RAP1GAP: variants seen among roughly 807,000 people sequenced by gnomAD.
RAP1GAP encodes the protein RAP1 GTPase activating protein.
A neutral mutation model predicts 87.2 loss-of-function variants in RAP1GAP; 35 were observed. The observed-to-expected ratio is 0.40, with a 90% CI of 0.31 to 0.53. The LOEUF is 0.53. RAP1GAP is among the 20% of genes least tolerant of loss of function. The probability of loss-of-function intolerance (pLI) is 0.48; values close to 1 mark genes in which losing one functional copy is unlikely to be tolerated. For synonymous variants in RAP1GAP, 375 were observed against 363.9 expected (o/e 1.03, Z -0.35); for missense variants, 734 against 898.9 (o/e 0.82, Z 2.35).
At chr1:21,666,892 C>T (rs753601487) in intron 1 of RAP1GAP, among the ~76,000 whole-genome samples, 16 of 152,174 alleles carry the variant, frequency 1.1e-4, no homozygotes, top group Non-Finnish European at 2.2e-4. Context: ...AGGCTCTTCT[C>T]CTTGCTGACA....
chr1:21,600,776 T>C (rs943006910), intron 20 of RAP1GAP, among the ~76,000 whole-genome samples: 3 of 150,104 alleles, frequency 2.0e-5, no homozygotes, highest in Non-Finnish European at 3.0e-5. Flanking sequence ...TCCCAGCTAC[T>C]TGGGGGGCTG....
At position 21,622,699 on chromosome 1, in the gene RAP1GAP, G is replaced by T. The variant is rs970952929; in HGVS notation, c.-18-2649C>A. On this transcript the variant is annotated intron_variant, in intron 3 of 24. Transcript: ENST00000374765. This position sits in a 1 kb window ranked among gnomAD's most constrained non-coding sequence, Gnocchi z 5.7. ...CCGGGACACCGCGCCTGCGCGTTCC[G>T]GCCCGAGCGCTAGAAGCTTTGGGTG... 1 of 151,252 alleles carries T rather than the reference G, an allele frequency of 6.6e-6. No individual in the cohort carries two copies. The highest frequency in any genetic ancestry group is 2.0e-4 in the East Asian group (1 of 5,096). The allele number at this position is 151,252 out of a possible 1,614,324, so 9.4% of individuals were successfully genotyped here. A position where few individuals can be genotyped will look rare whatever the true frequency, so the allele number is the denominator to read the frequency against.
intron 21 of RAP1GAP, 117 bp downstream of exon 21, chr1:21,599,377 T>C: frequency 7.0e-7 from 1 of 1,429,828 alleles, no homozygotes; most frequent in Non-Finnish European, 9.4e-7. Context: ...TTGGGCCGGG[T>C]CCCCTGATCA....
rs997272663 is a variant in RAP1GAP, at chr1:21,614,136, G to C, written c.292-47C>G. 4 of 1,368,256 alleles carry C rather than the reference G, an allele frequency of 2.9e-6. No individual in the cohort carries two copies. The African/African-American group carries it at 5.7e-5, about 20-fold the overall frequency. 84.8% of individuals were successfully genotyped at this position (1,368,256 alleles called of 1,614,324 possible). A position where few individuals can be genotyped will look rare whatever the true frequency, so the allele number is the denominator to read the frequency against. On this transcript the variant is annotated intron_variant, in intron 7 of 24. Coordinates refer to ENST00000374765, the MANE Select transcript of RAP1GAP (RefSeq NM_002885.4). ...AGGGGAGTGGGTGAGGCTGAGCATG[G>C]GGCTTTTGGAAACAAGGCCAGAAAG...
intron 5 of RAP1GAP, 114 bp from the exon 6 acceptor site, chr1:21,618,086 T>C: frequency 8.2e-7 from 1 of 1,217,368 alleles, no homozygotes; most frequent in Non-Finnish European, 1.2e-6. Context: ...GGCCCTGGCC[T>C]CATCACCTCT....
intron 19 of RAP1GAP, 89 bp from the exon 20 acceptor site, chr1:21,601,886 G>A: frequency 1.1e-6 from 1 of 899,104 alleles, no homozygotes; most frequent in East Asian, 2.7e-5. Context: ...GGGAGTCACG[G>A]TGCCTCCTGC....
chr1:21,604,249 C>T (rs143614304), intron 18 of RAP1GAP, among the ~76,000 whole-genome samples: 1 of 151,262 alleles, frequency 6.6e-6, no homozygotes, highest in Non-Finnish European at 1.5e-5. Flanking sequence ...AGACACAGGC[C>T]CAGGGAGGGT....
At chr1:21,599,406 G>C (rs1435965420) in intron 21 of RAP1GAP, 88 bp downstream of exon 21, 1 of 1,510,746 alleles carries the variant, frequency 6.6e-7, no homozygotes, top group Non-Finnish European at 8.8e-7. Context: ...CCACGCCCAG[G>C]CTCGTGGTTC....
chr1:21,616,638 C>T (rs2082350700), intron 7 of RAP1GAP, among the ~76,000 whole-genome samples: 1 of 152,230 alleles, frequency 6.6e-6, no homozygotes, highest in Non-Finnish European at 1.5e-5. Flanking sequence ...GGCATGGGAC[C>T]TCCCCTTGGC....
rs554855133 is a variant in RAP1GAP at position 21,613,746 on chromosome 1, G to C, written c.396-40C>G. On this transcript the variant is annotated intron_variant, in intron 8 of 24. Transcript: ENST00000374765. This position sits in a 1 kb window ranked among gnomAD's most constrained non-coding sequence, Gnocchi z 4.7. ...TCACACGATGAAGGCCTGGGCAGCA[G>C]GACAGGAAAATGGGAACCCCACCCC... 6 of 1,566,914 alleles carry C rather than the reference G, an allele frequency of 3.8e-6. No homozygotes were observed. The South Asian group carries it at 5.5e-5, about 14-fold the overall frequency.
chr1:21,613,520 C>A lies in RAP1GAP; in HGVS notation c.474+108G>T. On this transcript the variant is annotated intron_variant, in intron 9 of 24. Coordinates refer to ENST00000374765, the MANE Select transcript of RAP1GAP (RefSeq NM_002885.4). This position sits in a 1 kb window ranked among gnomAD's most constrained non-coding sequence, Gnocchi z 4.7. ...GACAGCCTCAGGATAGGGCGGCAGG[C>A]CAGGGCTAGGGCCTACAGCTGAAGG... 1 of 1,091,196 alleles carries A rather than the reference C, an allele frequency of 9.2e-7. No homozygotes were observed. The allele number at this position is 1,091,196 out of a possible 1,614,324, so 67.6% of individuals were successfully genotyped here.
chr1:21,639,092 C>G (rs572687326), intron 2 of RAP1GAP, among the ~76,000 whole-genome samples: 20 of 152,350 alleles, frequency 1.3e-4, no homozygotes, highest in Admixed American at 1.0e-3. Flanking sequence ...GCAAGCCAGG[C>G]CAGCCGGGTT....
intron 1 of RAP1GAP, among the ~76,000 whole-genome samples, chr1:21,650,838 C>A (rs2096510727): frequency 1.3e-5 from 2 of 152,190 alleles, no homozygotes; most frequent in South Asian, 2.1e-4. Flanking sequence ...CCCACCCCAC[C>A]CTCTGCTGGG....
chr1:21,631,442 T>C (rs926286514), intron 2 of RAP1GAP, among the ~76,000 whole-genome samples: 2 of 152,170 alleles, frequency 1.3e-5, no homozygotes, highest in African/African-American at 4.8e-5. Context: ...TCCCAGCACT[T>C]TGGGAGGCTG....
At chr1:21,601,923 G>A (rs771667730) in intron 19 of RAP1GAP, 126 bp from the exon 20 acceptor site, 5 of 620,760 alleles carry the variant, frequency 8.1e-6, no homozygotes, top group Non-Finnish European at 1.4e-5. Context: ...TATACTCAGG[G>A]CCAGCCCTGG....
At chr1:21,639,076 C>T (rs75744570) in intron 2 of RAP1GAP, among the ~76,000 whole-genome samples, 2 of 152,250 alleles carry the variant, frequency 1.3e-5, no homozygotes, top group Non-Finnish European at 2.9e-5. Context: ...TCAGCTGTCA[C>T]GTCCTGCAAG....
At position 21,613,370 on chromosome 1, in the gene RAP1GAP, T is replaced by C. The variant is rs924575804; in HGVS notation, c.475-141A>G. On this transcript the variant is annotated intron_variant, in intron 9 of 24. Transcript: ENST00000374765. The surrounding 1 kb of genome is among the most constrained non-coding windows in gnomAD (Gnocchi z 4.7). ...CTAAAGCAGGACTCGGGGTTCACTG[T>C]TGCTCAGGGAACGGAGGTCCCCTGA... 1.6e-5 allele frequency: 13 copies of C among 838,568 alleles called. No homozygotes were observed. The highest frequency in any genetic ancestry group is 8.2e-5 in the Admixed American group (4 of 49,030). 51.9% of individuals were successfully genotyped at this position (838,568 alleles called of 1,614,324 possible).
intron 16 of RAP1GAP, among the ~76,000 whole-genome samples, chr1:21,608,580 A>C: frequency 7.1e-6 from 1 of 141,830 alleles, no homozygotes. Flanking sequence ...ATCTGGCTTC[A>C]TGTCCCCACC....
Position 21,603,713 on chromosome 1 carries a change from C to G in RAP1GAP, c.1429-800G>C. ...GGAGCTGCCGCCACTCCATCCCGCA[C>G]GCCCTGGGGCCTGTCCCGGGGGCAG... On this transcript the variant is annotated intron_variant, in intron 18 of 24. Transcript: ENST00000374765. This position sits in a 1 kb window ranked among gnomAD's most constrained non-coding sequence, Gnocchi z 6.0. 1 of 1,089,616 alleles carries G rather than the reference C, an allele frequency of 9.2e-7. No homozygotes were observed. Among genetic ancestry groups the G allele is most frequent in the Non-Finnish European group, 1.4e-6 (1 of 710,212 alleles). The allele number at this position is 1,089,616 out of a possible 1,614,324, so 67.5% of individuals were successfully genotyped here.
Sources: gnomAD v4.1 joint callset for allele counts (sites outside exome capture counted in the v4.1 genomes callset) on GRCh38, gnomAD v4.1.1 for gene constraint, Gnocchi (gnomAD v3.1) non-coding constraint, MANE v1.5 for transcripts, NCBI Gene and HGNC (gene_info 2026-07-23, HGNC 2026-07-21) for gene names.